The following MB21D2 variants were observed in gnomAD, a reference collection of about 807,000 sequenced individuals.
MB21D2 encodes nucleotidyltransferase MB21D2.
A neutral mutation model predicts 33.3 loss-of-function variants in MB21D2; 9 were observed. The observed-to-expected ratio is 0.27, with a 90% CI of 0.16 to 0.47. The LOEUF (loss-of-function observed/expected upper bound fraction) is 0.47. Ranked by LOEUF, MB21D2 falls within the 20% of genes least tolerant of loss-of-function variation. The pLI is 0.99. For synonymous variants in MB21D2, 241 were observed against 236.3 expected (o/e 1.02, Z -0.18); for missense variants, 540 against 624.6 (o/e 0.86, Z 1.44).
At chr3:192,887,168 A>G (rs1170803357) in intron 1 of MB21D2, among the ~76,000 whole-genome samples, 1 of 152,038 alleles carries the variant, frequency 6.6e-6, no homozygotes, top group Non-Finnish European at 1.5e-5. Context: ...TTTTTAAGAG[A>G]CAAAGTCTCG....
At chr3:192,904,435 T>C (rs1714164523) in intron 1 of MB21D2, among the ~76,000 whole-genome samples, 1 of 152,206 alleles carries the variant, frequency 6.6e-6, no homozygotes, top group Non-Finnish European at 1.5e-5. Context: ...AAATTTGATT[T>C]ATTCTCAATA....
At chr3:192,849,187 A>C (rs1712733758) in intron 1 of MB21D2, among the ~76,000 whole-genome samples, 1 of 152,076 alleles carries the variant, frequency 6.6e-6, no homozygotes, top group South Asian at 2.1e-4. Flanking sequence ...CCGTGCTCCC[A>C]TGCTCACACT....
intron 1 of MB21D2, among the ~76,000 whole-genome samples, chr3:192,895,767 G>C (rs960425334): frequency 2.6e-5 from 4 of 151,932 alleles, no homozygotes; most frequent in Non-Finnish European, 5.9e-5. Context: ...AGCTCTCACT[G>C]TGTTGTCCCG....
intron 1 of MB21D2, among the ~76,000 whole-genome samples, chr3:192,869,266 A>ACAGG (rs1713235207): frequency 8.6e-6 from 1 of 116,878 alleles, no homozygotes; most frequent in Non-Finnish European, 1.7e-5. Context: ...AAAAAAAAAG[A>ACAGG]AAGGAAGGAA....
At chr3:192,889,924 A>G (rs1713812387) in intron 1 of MB21D2, among the ~76,000 whole-genome samples, 1 of 152,076 alleles carries the variant, frequency 6.6e-6, no homozygotes, top group African/African-American at 2.4e-5. Context: ...AGTGTTGCTT[A>G]GTCAGTTAGG....
intron 1 of MB21D2, among the ~76,000 whole-genome samples, chr3:192,826,403 C>G (rs761756577): frequency 1.3e-5 from 2 of 152,094 alleles, no homozygotes; most frequent in Non-Finnish European, 2.9e-5. Context: ...ACACAGAGAA[C>G]GGGAATCAAT....
At position 192,799,108 on chromosome 3, in the gene MB21D2, G is replaced by A; in HGVS notation, c.754C>T (p.Leu252Phe). The A allele has an allele frequency of 6.2e-7, 1 of 1,614,138 alleles. No individual in the cohort carries two copies. ...CCATCCCAAAAGTGGTTCTCCATGA[G>A]CCAGCTCTGGGCCACTGCAGGCCAA... ...KGWPAVAQSW[L>F]MENHFWDGKI... is the part of the protein sequence containing the mutation. Residue 252 changes from leucine to phenylalanine, a missense_variant, in exon 2 of 2, where the codon CTC (leucine) becomes TTC (phenylalanine). By Grantham distance (22) the Leu-to-Phe change is conservative. Coordinates refer to ENST00000392452, the MANE Select transcript of MB21D2 (RefSeq NM_178496.4). The surrounding 1 kb of genome is among the most constrained non-coding windows in gnomAD (Gnocchi z 4.1).
chr3:192,805,500 G>C (rs1022619716), intron 1 of MB21D2, among the ~76,000 whole-genome samples: 5 of 152,128 alleles, frequency 3.3e-5, no homozygotes, highest in African/African-American at 1.2e-4. Flanking sequence ...TTCACGTATG[G>C]TAATGGTAAT....
chr3:192,866,737 A>G (rs1340319025), intron 1 of MB21D2, among the ~76,000 whole-genome samples: 2 of 152,220 alleles, frequency 1.3e-5, no homozygotes, highest in African/African-American at 4.8e-5. Context: ...AATATTAAAA[A>G]AATAAAAATT....
intron 1 of MB21D2, among the ~76,000 whole-genome samples, chr3:192,815,460 T>C (rs1276586188): frequency 1.3e-5 from 2 of 152,228 alleles, no homozygotes; most frequent in African/African-American, 4.8e-5. Flanking sequence ...GACATGTGTT[T>C]AGCAATGTTG....
At chr3:192,825,391 T>C (rs1417151585) in intron 1 of MB21D2, among the ~76,000 whole-genome samples, 1 of 152,130 alleles carries the variant, frequency 6.6e-6, no homozygotes, top group African/African-American at 2.4e-5. Context: ...AGTCAAACAA[T>C]GGAGTATGGA....
chr3:192,898,221 C>T (rs1291070864), intron 1 of MB21D2, among the ~76,000 whole-genome samples: 3 of 105,410 alleles, frequency 2.8e-5, no homozygotes, highest in Non-Finnish European at 6.0e-5. Flanking sequence ...ATGAATCTCA[C>T]GTATTTTTTT....
chr3:192,872,382 A>C (rs1405146658), intron 1 of MB21D2, among the ~76,000 whole-genome samples: 137 of 151,988 alleles, frequency 9.0e-4, no homozygotes, highest in African/African-American at 3.1e-3. Flanking sequence ...CGAGACCATC[A>C]TGGCGAACAC....
intron 1 of MB21D2, among the ~76,000 whole-genome samples, chr3:192,827,785 A>G (rs1712209481): frequency 6.6e-6 from 1 of 152,122 alleles, no homozygotes; most frequent in African/African-American, 2.4e-5. Flanking sequence ...GCTCCCCACC[A>G]TAAAAGTTGA....
chr3:192,889,403 A>C (rs1165619483), intron 1 of MB21D2, among the ~76,000 whole-genome samples: 1 of 152,134 alleles, frequency 6.6e-6, no homozygotes. Context: ...AAAAGAATTC[A>C]ATGGGCTGCT....
At chr3:192,814,335 A>C (rs947906435) in intron 1 of MB21D2, among the ~76,000 whole-genome samples, 3 of 152,206 alleles carry the variant, frequency 2.0e-5, no homozygotes, top group Non-Finnish European at 4.4e-5. Context: ...CTAACAGACT[A>C]ATAAAGAGCT....
intron 1 of MB21D2, among the ~76,000 whole-genome samples, chr3:192,800,170 G>A (rs531665610): frequency 2.6e-5 from 4 of 152,152 alleles, no homozygotes; most frequent in East Asian, 1.9e-4. Context: ...TTGTACCAGC[G>A]GTTCTCAGTG....
intron 1 of MB21D2, among the ~76,000 whole-genome samples, chr3:192,915,597 T>C (rs1020461232): frequency 6.6e-6 from 1 of 152,152 alleles, no homozygotes; most frequent in Non-Finnish European, 1.5e-5. Context: ...GAAAGACTGC[T>C]TGCAAGGTCA....
Position 192,908,790 on chromosome 3 carries a change from T to G in MB21D2, c.211+8840A>C, listed in dbSNP as rs892113986. Reference sequence around the variant, plus strand: ...TGGCATTTGAGCTGGGAGAAAAAAATAAAGCGGACATAAGGTGTCAGAAGG... The same window carrying G: ...TGGCATTTGAGCTGGGAGAAAAAAAGAAAGCGGACATAAGGTGTCAGAAGG... On this transcript the variant is annotated intron_variant, in intron 1 of 1. Transcript: ENST00000392452. Among the ~76,000 whole-genome samples, 3 of 151,716 alleles carry G rather than the reference T, an allele frequency of 2.0e-5. No individual in the cohort carries two copies. The East Asian group carries it at 5.8e-4, about 29-fold the overall frequency.
Sources: gnomAD v4.1 joint callset for allele counts (sites outside exome capture counted in the v4.1 genomes callset) on GRCh38, gnomAD v4.1.1 for gene constraint, Gnocchi (gnomAD v3.1) non-coding constraint, MANE v1.5 for transcripts, NCBI Gene and HGNC (gene_info 2026-07-23, HGNC 2026-07-21) for gene names.